Variants in PIGQ observed in about 807,000 individuals in gnomAD.
PIGQ encodes phosphatidylinositol N-acetylglucosaminyltransferase subunit Q.
A neutral mutation model predicts 60.3 loss-of-function variants in PIGQ; 54 were observed. That is an observed-to-expected ratio of 0.90 (90% CI 0.72 to 1.12). PIGQ has a LOEUF of 1.12. Ranked by LOEUF, PIGQ falls within the 50% of genes most tolerant of loss-of-function variation. The pLI, the probability that PIGQ is intolerant of heterozygous loss-of-function variation, is 0.00. For missense variants in PIGQ, 799 were observed against 793.5 expected (o/e 1.01, Z -0.08); for synonymous variants, 416 against 363.7 (o/e 1.14, Z -1.64).
At position 574,573 on chromosome 16, in the gene PIGQ, G is replaced by C. The variant is rs144825405; in HGVS notation, c.499G>C (p.Asp167His). The change falls in exon 2 of 11, where the codon GAC becomes CAC. Residue 167 changes from aspartate (D) to histidine (H), a missense_variant. Coordinates refer to ENST00000321878, the MANE Select transcript of PIGQ (RefSeq NM_004204.5). The part of the protein sequence containing the change: ...ASTGGLAAVF[D>H]TVARSEVLFR... Reference sequence around the variant, plus strand: ...CACGGGGGGCCTGGCTGCCGTCTTCGACACGGTAGCACGCAGTGAGGTGCT... The same window carrying C: ...CACGGGGGGCCTGGCTGCCGTCTTCCACACGGTAGCACGCAGTGAGGTGCT... The C allele has an allele frequency of 2.5e-6, 4 of 1,603,420 alleles. No homozygotes were observed. The highest frequency in any genetic ancestry group is 2.2e-5 in the South Asian group (2 of 89,608).
At chr16:576,458 C>G (rs2035721077) in intron 4 of PIGQ, 1 of 639,506 alleles carries the variant, frequency 1.6e-6, no homozygotes, top group East Asian at 2.8e-5. Flanking sequence ...CAGGTACACC[C>G]CCCTTTCCTT....
chr16:582,621 G>C (rs1295611992), intron 10 of PIGQ: 2 of 584,820 alleles, frequency 3.4e-6, no homozygotes, highest in African/African-American at 3.7e-5. Flanking sequence ...AGTGAGTCCT[G>C]GGGTGGGGTG....
intron 9 of PIGQ, 164 bp downstream of exon 9, chr16:581,136 G>C (rs1405708977): frequency 1.2e-5 from 18 of 1,458,822 alleles, no homozygotes; most frequent in Non-Finnish European, 1.7e-5. Context: ...AGTCCCAGAG[G>C]TCTGCAGGAC....
rs1045274 is a variant in PIGQ at position 580,902 on chromosome 16, C to G, written c.1461C>G (p.Leu487=). Reference sequence around the variant, plus strand: ...CCGTGCAGGGCCTGATCCATCTGCTCGTGGACCTCATCAACTCCCTGCCGC... The same window carrying G: ...CCGTGCAGGGCCTGATCCATCTGCTGGTGGACCTCATCAACTCCCTGCCGC... ...VVAVQGLIHL[L]VDLINSLPLY... Residue 487 remains leucine (L), a synonymous_variant, in exon 9 of 11, where the codon CTC becomes CTG. Coordinates refer to ENST00000321878, the MANE Select transcript of PIGQ (RefSeq NM_004204.5). 293,957 of 1,602,088 alleles carry G rather than the reference C, an allele frequency of 0.18. 28,860 individuals carry two copies. Among genetic ancestry groups the G allele is most frequent in the South Asian group, 0.26 (23,379 of 90,900 alleles).
intron 8 of PIGQ, 144 bp from the exon 9 acceptor site, chr16:580,714 C>T (rs532557084): frequency 2.1e-5 from 14 of 673,598 alleles, no homozygotes; most frequent in African/African-American, 3.6e-5. Context: ...TGGCAGACTC[C>T]GTGCCCTGCT....
At chr16:574,034 C>A in intron 1 of PIGQ, 32 bp from the exon 2 acceptor site, 1 of 1,489,436 alleles carries the variant, frequency 6.7e-7, no homozygotes, top group Non-Finnish European at 9.1e-7. Context: ...GCAGCAGCAG[C>A]TCTGAGCCGA....
intron 4 of PIGQ, chr16:578,105 T>C (rs2035748801): frequency 1.6e-5 from 6 of 367,136 alleles, no homozygotes; most frequent in Middle Eastern, 7.7e-4. Flanking sequence ...AGGAAGATGG[T>C]AGAGGTGGGT....
intron 1 of PIGQ, among the ~76,000 whole-genome samples, chr16:573,130 GGGA>G (rs2035662328): frequency 1.3e-5 from 2 of 152,352 alleles, no homozygotes; most frequent in South Asian, 2.1e-4. Context: ...GTGAGAAAGG[GGGA>G]GGAGAGGCCC....
At chr16:581,165 T>G in intron 9 of PIGQ, 193 bp downstream of exon 9, 1 of 1,455,206 alleles carries the variant, frequency 6.9e-7, no homozygotes, top group Non-Finnish European at 9.1e-7. Context: ...TCCAGGGAGG[T>G]GGAGAGAGAC....
intron 7 of PIGQ, 145 bp from the exon 8 acceptor site, chr16:580,038 G>A: frequency 1.7e-6 from 1 of 572,788 alleles, no homozygotes. Context: ...CTGCTACTGG[G>A]ACTGCTTCTG....
intron 10 of PIGQ, 81 bp downstream of exon 10, chr16:582,390 G>A (rs905486513): frequency 2.8e-6 from 3 of 1,060,790 alleles, no homozygotes; most frequent in Admixed American, 4.5e-5. Flanking sequence ...GTAGTGTCTG[G>A]GTGGCACCAC....
chr16:576,123 C>T lies in PIGQ; in HGVS notation c.822-11C>T, dbSNP rs976527210. The T allele has an allele frequency of 9.7e-6, 15 of 1,547,212 alleles. No individual in the cohort carries two copies. In the African/African-American group the frequency reaches 1.1e-4, roughly 11 times the overall value. On this transcript the variant is annotated splice_polypyrimidine_tract_variant and intron_variant, in intron 3 of 10. Coordinates refer to ENST00000321878, the MANE Select transcript of PIGQ (RefSeq NM_004204.5). The stretch of plus-strand genomic sequence containing the variant: ...CACCCTCATGCCGGCCGGGCCGGAC[C>T]TCCCTTCCAGGAAGGCCAACACGGT...
intron 1 of PIGQ, among the ~76,000 whole-genome samples, chr16:572,056 C>T (rs2151043007): frequency 6.6e-6 from 1 of 152,294 alleles, no homozygotes; most frequent in East Asian, 1.9e-4. Flanking sequence ...CATTGTGTTT[C>T]TTTTCCGACG....
chr16:577,446 G>A (rs2035739044), intron 4 of PIGQ, among the ~76,000 whole-genome samples: 1 of 152,004 alleles, frequency 6.6e-6, no homozygotes, highest in East Asian at 1.9e-4. Flanking sequence ...GTATGGTGGT[G>A]GGCACCTGTA....
intron 4 of PIGQ, chr16:576,774 C>G (rs796725067): frequency 2.9e-5 from 11 of 381,854 alleles, no homozygotes; most frequent in Admixed American, 1.7e-4. Context: ...CCGTTTCCAG[C>G]CGGGTGCAGC....
At chr16:577,256 A>C (rs1281332564) in intron 4 of PIGQ, 1 of 152,248 alleles carries the variant, frequency 6.6e-6, no homozygotes, top group Non-Finnish European at 1.5e-5. Flanking sequence ...TATCCTTTAA[A>C]TATTAAATAA....
At position 574,356 on chromosome 16, in the gene PIGQ, G is replaced by T. The variant is rs370142764; in HGVS notation, c.282G>T (p.Leu94=). The change falls in exon 2 of 11, where the codon CTG becomes CTT. Residue 94 remains leucine, a synonymous_variant. Transcript: ENST00000321878. ...CTGTCTTCCCCCATGAGCCCTGGCT[G>T]CGGCTGTGCCGGGAGAGAGGCGGCA... ...LGAVFPHEPW[L]RLCRERGGTF... The T allele has an allele frequency of 6.2e-7, 1 of 1,610,024 alleles. No individual in the cohort carries two copies. Among genetic ancestry groups the T allele is most frequent in the Non-Finnish European group, 8.5e-7 (1 of 1,179,464 alleles).
chr16:578,061 C>G (rs954603748), intron 4 of PIGQ: 8 of 270,814 alleles, frequency 3.0e-5, no homozygotes, highest in Non-Finnish European at 5.7e-5. Flanking sequence ...GCCGAGGGCT[C>G]CAGTGGGTCC....
Position 582,268 on chromosome 16 carries a change from C to A in PIGQ, c.1552C>A (p.Leu518Ile). ...TGCAGCTGGCGTGAAGTTCCGTGTC[C>A]TCCGGCACGAGGCCGGCAGGCCCCT... ...RLAAGVKFRV[L>I]RHEAGRPLRL... Residue 518 changes from leucine to isoleucine, a missense_variant, in exon 10 of 11, where the codon CTC (leucine) becomes ATC (isoleucine). Physicochemically the swap from Leu to Ile is conservative, Grantham distance 5. Transcript: ENST00000321878. 6.2e-7 allele frequency: 1 copy of A among 1,607,054 alleles called. No homozygotes were observed. Among genetic ancestry groups the A allele is most frequent in the Non-Finnish European group, 8.5e-7 (1 of 1,176,680 alleles).
Sources: gnomAD v4.1 joint callset for allele counts (sites outside exome capture counted in the v4.1 genomes callset) on GRCh38, gnomAD v4.1.1 for gene constraint, MANE v1.5 for transcripts, NCBI Gene and HGNC (gene_info 2026-07-23, HGNC 2026-07-21) for gene names.